The following PRKG1 variants were observed in gnomAD, a reference collection of about 807,000 sequenced individuals.
The protein encoded by PRKG1 is cGMP-dependent protein kinase 1.
A neutral mutation model predicts 88.1 loss-of-function variants in PRKG1; 35 were observed. The ratio of observed to expected loss-of-function variants is 0.40; its 90% CI spans 0.30 to 0.53. PRKG1 has a LOEUF of 0.53. PRKG1 is among the 20% of genes least tolerant of loss of function. The pLI, the probability that PRKG1 is intolerant of heterozygous loss-of-function variation, is 0.59. For missense variants in PRKG1, 540 were observed against 839.8 expected (o/e 0.64, Z 4.41); for synonymous variants, 303 against 292.5 (o/e 1.04, Z -0.37).
chr10:51,721,408 C>T (rs1842010732), intron 3 of PRKG1, among the ~76,000 whole-genome samples: 1 of 152,012 alleles, frequency 6.6e-6, no homozygotes, highest in African/African-American at 2.4e-5. Context: ...CTACGTGGAA[C>T]CCAGAAGTAG....
intron 2 of PRKG1, among the ~76,000 whole-genome samples, chr10:51,334,276 C>T (rs183024411): frequency 1.3e-5 from 2 of 151,590 alleles, no homozygotes; most frequent in East Asian, 3.9e-4. Flanking sequence ...CAGATCTCAA[C>T]TAAAATGTAA....
chr10:51,626,523 G>A (rs1839341600), intron 3 of PRKG1, among the ~76,000 whole-genome samples: 1 of 151,994 alleles, frequency 6.6e-6, no homozygotes, highest in South Asian at 2.1e-4. Flanking sequence ...TTAAACTTCT[G>A]TTTCTTTTTT....
At chr10:52,063,811 C>T (rs1367621316) in intron 7 of PRKG1, among the ~76,000 whole-genome samples, 1 of 151,994 alleles carries the variant, frequency 6.6e-6, no homozygotes, top group Admixed American at 6.6e-5. Flanking sequence ...TAGCTCCTCT[C>T]TGCAGCTGGT....
intron 3 of PRKG1, among the ~76,000 whole-genome samples, chr10:51,562,129 C>T (rs926352863): frequency 6.6e-6 from 1 of 151,368 alleles, no homozygotes; most frequent in African/African-American, 2.4e-5. Context: ...GAGGCTGAGG[C>T]AGGAGAATCG....
chr10:51,363,967 C>T (rs972548203), intron 2 of PRKG1, among the ~76,000 whole-genome samples: 29 of 152,014 alleles, frequency 1.9e-4, no homozygotes, highest in African/African-American at 6.5e-4. Flanking sequence ...GAGAAGAAGA[C>T]CTCTTAGAAA....
intron 4 of PRKG1, among the ~76,000 whole-genome samples, chr10:51,865,820 G>T (rs756760836): frequency 1.3e-5 from 2 of 151,788 alleles, no homozygotes; most frequent in African/African-American, 4.8e-5. Context: ...CATTTCTTCT[G>T]TTCTTTCTGT....
chr10:51,483,771 T>C (rs1372480844), intron 3 of PRKG1, among the ~76,000 whole-genome samples: 1 of 152,190 alleles, frequency 6.6e-6, no homozygotes, highest in Non-Finnish European at 1.5e-5. Flanking sequence ...TTTGGAGTAT[T>C]CATTACTATT....
At chr10:52,054,947 C>A (rs1034740559) in intron 6 of PRKG1, among the ~76,000 whole-genome samples, 6 of 152,124 alleles carry the variant, frequency 3.9e-5, no homozygotes, top group Non-Finnish European at 8.8e-5. Flanking sequence ...CCAGCTTAGG[C>A]AACATGCCAA....
intron 2 of PRKG1, among the ~76,000 whole-genome samples, chr10:51,426,670 A>G (rs747337864): frequency 1.3e-5 from 2 of 152,152 alleles, no homozygotes; most frequent in African/African-American, 4.8e-5. Flanking sequence ...TCCATTTCCA[A>G]AAGACAAAAA....
intron 1 of PRKG1, among the ~76,000 whole-genome samples, chr10:51,051,959 A>C (rs181363757): frequency 1.3e-5 from 2 of 152,298 alleles, no homozygotes; most frequent in South Asian, 2.1e-4. Context: ...ACTTTGATAA[A>C]TAAAAATTGA....
intron 9 of PRKG1, among the ~76,000 whole-genome samples, chr10:52,183,498 C>G (rs1274670661): frequency 6.6e-6 from 1 of 152,158 alleles, no homozygotes; most frequent in African/African-American, 2.4e-5. Context: ...GACTGTTCCT[C>G]CAGCTAGAAG....
chr10:52,142,002 G>A (rs777417523), intron 8 of PRKG1, among the ~76,000 whole-genome samples: 9 of 152,128 alleles, frequency 5.9e-5, no homozygotes, highest in Non-Finnish European at 8.8e-5. Context: ...AGTCCCAGAA[G>A]TGTCAGGTAT....
chr10:51,310,597 A>G (rs530022897), intron 2 of PRKG1, among the ~76,000 whole-genome samples: 4 of 152,172 alleles, frequency 2.6e-5, no homozygotes, highest in Non-Finnish European at 5.9e-5. Context: ...CACTATACCC[A>G]TATTTTTATT....
chr10:51,964,289 T>C (rs1299966444), intron 5 of PRKG1, among the ~76,000 whole-genome samples: 1 of 152,220 alleles, frequency 6.6e-6, no homozygotes, highest in African/African-American at 2.4e-5. Context: ...GCATAGGTTC[T>C]GAGGATTAGG....
rs980046052 is a variant in PRKG1, at chr10:51,919,281, A to G, written c.762+11711A>G. Among the ~76,000 whole-genome samples, 5 of 152,252 alleles carry G rather than the reference A, an allele frequency of 3.3e-5. No individual in the cohort carries two copies. In the East Asian group the frequency reaches 5.8e-4, roughly 18 times the overall value. ...TAATGAGCATTCCTCAAATCAGTCA[A>G]TGTTAATGAGGAACAAACCGTGACC... On this transcript the variant is annotated intron_variant, in intron 5 of 17. Transcript: ENST00000373980.
At chr10:51,411,650 A>T (rs1838092422) in intron 2 of PRKG1, among the ~76,000 whole-genome samples, 2 of 152,174 alleles carry the variant, frequency 1.3e-5, no homozygotes, top group South Asian at 4.1e-4. Flanking sequence ...GTTTCTCAGC[A>T]AGCTTCAAGT....
At chr10:51,412,467 A>T (rs1838121694) in intron 2 of PRKG1, among the ~76,000 whole-genome samples, 1 of 152,058 alleles carries the variant, frequency 6.6e-6, no homozygotes, top group Non-Finnish European at 1.5e-5. Context: ...ACATGGTGAA[A>T]ACCCATCTCT....
At position 51,811,475 on chromosome 10, in the gene PRKG1, A is replaced by T. The variant is rs566556008; in HGVS notation, c.698+6785A>T. Among the ~76,000 whole-genome samples the T allele has an allele frequency of 2.6e-5, 4 of 151,912 alleles. 1 individual carries two copies. The South Asian group carries it at 8.4e-4, about 32-fold the overall frequency. On this transcript the variant is annotated intron_variant, in intron 4 of 17. Transcript: ENST00000373980. ...ATATTTCTAAAAGTGTAGTCGGGAGAGAATTAGAGTTTGTTGAGTAGAATA... is the reference window on the plus strand; with the variant it reads ...ATATTTCTAAAAGTGTAGTCGGGAGTGAATTAGAGTTTGTTGAGTAGAATA...
chr10:52,132,620 TG>T (rs1837296437), intron 7 of PRKG1, among the ~76,000 whole-genome samples: 1 of 152,150 alleles, frequency 6.6e-6, no homozygotes, highest in Admixed American at 6.5e-5. Flanking sequence ...AGAGATGTGA[TG>T]TTTTTTGGTT....
Sources: gnomAD v4.1 joint callset for allele counts (sites outside exome capture counted in the v4.1 genomes callset) on GRCh38, gnomAD v4.1.1 for gene constraint, MANE v1.5 for transcripts, NCBI Gene and HGNC (gene_info 2026-07-23, HGNC 2026-07-21) for gene names.